ZNF761: variants seen among roughly 807,000 people sequenced by gnomAD.
The protein encoded by ZNF761 is zinc finger protein 761.
A neutral mutation model predicts 59.9 loss-of-function variants in ZNF761; 43 were observed. The observed-to-expected ratio is 0.72, with a 90% CI of 0.56 to 0.92. The LOEUF (loss-of-function observed/expected upper bound fraction) is 0.92, where lower values mean the gene tolerates loss of function less well. Ranked by LOEUF, ZNF761 falls within the 40% of genes least tolerant of loss-of-function variation. ZNF761 has a pLI of 0.00. For synonymous variants in ZNF761, 294 were observed against 304.8 expected (o/e 0.96, Z 0.37); for missense variants, 850 against 906.1 (o/e 0.94, Z 0.79).
intron 4 of ZNF761, among the ~76,000 whole-genome samples, chr19:53,452,160 C>T (rs1600097307): frequency 6.6e-6 from 1 of 152,024 alleles, no homozygotes; most frequent in East Asian, 1.9e-4. Context: ...ACCAGTCTGG[C>T]CAACATGGTG....
rs2086197572 is a variant in ZNF761 at position 53,449,590 on chromosome 19, C to T, written c.94C>T (p.Leu32=). 7.4e-6 allele frequency: 12 copies of T among 1,613,106 alleles called. No homozygotes were observed. Among genetic ancestry groups the T allele is most frequent in the African/African-American group, 1.3e-5 (1 of 74,740 alleles). Residue 32 remains leucine (L), a synonymous_variant, in exon 4 of 5, where the codon CTA becomes TTA. Coordinates refer to ENST00000684525, the MANE Select transcript of ZNF761 (RefSeq NM_001289951.2). ...WKCLDPAQRT[L]YRDVMLENYR... ...ATGCCTGGACCCTGCTCAGAGGACT[C>T]TATACAGGGACGTGATGCTGGAGAA...
intron 1 of ZNF761, among the ~76,000 whole-genome samples, chr19:53,432,250 T>C (rs2085978455): frequency 6.6e-6 from 1 of 152,152 alleles, no homozygotes; most frequent in Non-Finnish European, 1.5e-5. Context: ...GGGCAATGTA[T>C]ACACTTTCTA....
At chr19:53,432,326 A>G (rs886792465) in intron 1 of ZNF761, among the ~76,000 whole-genome samples, 1 of 152,062 alleles carries the variant, frequency 6.6e-6, no homozygotes, top group African/African-American at 2.4e-5. Context: ...TAAAGTCCTC[A>G]CCTGAGAGGT....
At chr19:53,441,994 G>A (rs569968289) in intron 1 of ZNF761, 97 of 1,285,136 alleles carry the variant, frequency 7.5e-5, no homozygotes, top group Admixed American at 1.2e-4. Context: ...CCTGGGAACA[G>A]GCAGAGGCTG....
chr19:53,445,975 C>T (rs1420559723), intron 1 of ZNF761, among the ~76,000 whole-genome samples: 1 of 152,232 alleles, frequency 6.6e-6, no homozygotes, highest in Admixed American at 6.5e-5. Flanking sequence ...GCCCCAGTCA[C>T]ATTTGCTTTT....
intron 1 of ZNF761, chr19:53,444,394 C>T (rs939151802): frequency 6.6e-6 from 1 of 152,122 alleles, no homozygotes; most frequent in Non-Finnish European, 1.5e-5. Flanking sequence ...CTGCTCTTTA[C>T]TGCACTGAGA....
At chr19:53,440,822 T>C (rs2086091428) in intron 1 of ZNF761, among the ~76,000 whole-genome samples, 1 of 152,130 alleles carries the variant, frequency 6.6e-6, no homozygotes, top group Non-Finnish European at 1.5e-5. Flanking sequence ...GTCACAGGCA[T>C]GAGCCACCAA....
At chr19:53,438,362 A>T (rs1211256853) in intron 1 of ZNF761, among the ~76,000 whole-genome samples, 1 of 152,236 alleles carries the variant, frequency 6.6e-6, no homozygotes, top group Non-Finnish European at 1.5e-5. Flanking sequence ...AGGCCATCTT[A>T]ACACCATGGA....
chr19:53,448,356 C>A (rs1292051678), intron 3 of ZNF761, among the ~76,000 whole-genome samples: 2 of 152,200 alleles, frequency 1.3e-5, no homozygotes, highest in African/African-American at 4.8e-5. Context: ...CATGATGTAT[C>A]CATTTGTTTT....
intron 1 of ZNF761, chr19:53,442,900 C>T (rs1485896008): frequency 1.5e-5 from 6 of 391,052 alleles, no homozygotes; most frequent in Non-Finnish European, 2.9e-5. Flanking sequence ...TACATAATCA[C>T]TTCTGAAAGA....
intron 1 of ZNF761, among the ~76,000 whole-genome samples, chr19:53,433,050 G>A (rs1386393229): frequency 1.9e-4 from 6 of 31,090 alleles, no homozygotes; most frequent in Non-Finnish European, 2.8e-4. Context: ...GGACAGGGGG[G>A]TATAACAGGG....
intron 1 of ZNF761, chr19:53,445,103 C>G (rs1003028394): frequency 1.3e-5 from 2 of 151,878 alleles, no homozygotes; most frequent in Admixed American, 6.6e-5. Context: ...GCCTCAGCCT[C>G]TCGAGTAGCT....
rs368157010 is a variant in ZNF761, at chr19:53,435,289, CTTTTTTTTTTTTT to C, written c.-185+3281_-185+3293del. 7.6e-4 allele frequency among the ~76,000 whole-genome samples: 41 copies of C among 53,614 alleles called. 1 individual carries two copies. In the South Asian group the frequency reaches 0.016, roughly 21 times the overall value. 35.2% of individuals were successfully genotyped at this position (53,614 alleles called of 152,430 possible). A position where few individuals can be genotyped will look rare whatever the true frequency, so the allele number is the denominator to read the frequency against. ...GGTCGTCTGGCTATAAATACAAGTC[CTTTTTTTTTTTTT>C]TTTTTTTTTTTTTTTTTTTGAGATG... On this transcript the variant is annotated intron_variant, in intron 1 of 4. Coordinates refer to ENST00000684525, the MANE Select transcript of ZNF761 (RefSeq NM_001289951.2).
At chr19:53,435,881 TA>T (rs375562294) in intron 1 of ZNF761, among the ~76,000 whole-genome samples, 53 of 152,298 alleles carry the variant, frequency 3.5e-4, no homozygotes, top group African/African-American at 1.1e-3. Context: ...GGAAAACTAC[TA>T]GTCTTAAGAT....
chr19:53,433,458 C>CGCCAAG (rs1568796764), intron 1 of ZNF761, among the ~76,000 whole-genome samples: 1 of 38,182 alleles, frequency 2.6e-5, no homozygotes, highest in Non-Finnish European at 4.7e-5. Context: ...GCTTCGACTT[C>CGCCAAG]GCCAAGTCGA....
At chr19:53,447,882 G>A (rs1350250408) in intron 3 of ZNF761, among the ~76,000 whole-genome samples, 1 of 152,174 alleles carries the variant, frequency 6.6e-6, no homozygotes, top group African/African-American at 2.4e-5. Context: ...ACAATAGCAG[G>A]AGATTCATTA....
intron 3 of ZNF761, 115 bp downstream of exon 3, chr19:53,447,398 T>C (rs2086172248): frequency 8.6e-6 from 12 of 1,397,592 alleles, no homozygotes; most frequent in African/African-American, 1.4e-5. Context: ...TTTGCTCACA[T>C]TCACCCATGC....
At chr19:53,439,270 CAA>C (rs71185881) in intron 1 of ZNF761, among the ~76,000 whole-genome samples, 14 of 132,844 alleles carry the variant, frequency 1.1e-4, no homozygotes, top group Admixed American at 3.0e-4. Context: ...GACTCTGACT[CAA>C]AAAAAAAAAA....
rs1338188716 is a variant in ZNF761 at position 53,457,010 on chromosome 19, G to A, written c.*262G>A. Reference sequence around the variant, plus strand: ...ATAAAAATGTAAGAGTTTGTGACAAGGCTTTTGGGCATGATTCGCACCTGG... The same window carrying A: ...ATAAAAATGTAAGAGTTTGTGACAAAGCTTTTGGGCATGATTCGCACCTGG... On this transcript the variant is annotated 3_prime_UTR_variant, in exon 5 of 5. Transcript: ENST00000684525. The A allele has an allele frequency of 1.5e-5, 10 of 670,928 alleles. No individual in the cohort carries two copies. The East Asian group carries it at 3.0e-4, about 20-fold the overall frequency. 41.6% of individuals were successfully genotyped at this position (670,928 alleles called of 1,614,324 possible).
Sources: gnomAD v4.1 joint callset for allele counts (sites outside exome capture counted in the v4.1 genomes callset) on GRCh38, gnomAD v4.1.1 for gene constraint, MANE v1.5 for transcripts, NCBI Gene and HGNC (gene_info 2026-07-23, HGNC 2026-07-21) for gene names.